RSF1: variants seen among roughly 807,000 people sequenced by gnomAD.
RSF1 encodes HBV pX-associated protein 8.
In RSF1, 13 loss-of-function variants were observed where a neutral mutation model predicts 145.2. The observed-to-expected ratio is 0.09, with a 90% CI of 0.06 to 0.14. The LOEUF (loss-of-function observed/expected upper bound fraction) is 0.14. Ranked by LOEUF, RSF1 falls within the 10% of genes least tolerant of loss-of-function variation. The probability of loss-of-function intolerance (pLI) is 1.00; values close to 1 mark genes in which losing one functional copy is unlikely to be tolerated. For missense variants in RSF1, 1,517 were observed against 1,718.2 expected, an observed-to-expected ratio of 0.88 and a Z score of 2.07; for synonymous variants, 577 against 592.6, an observed-to-expected ratio of 0.97 and a Z score of 0.38.
At chr11:77,862,454 C>T in the RSF1 span, among the ~76,000 whole-genome samples, 8 of 152,120 alleles carry the variant, frequency 5.3e-5, no homozygotes, top group African/African-American at 1.4e-4. Context: ...GAAAAAGGTA[C>T]GTGTACTCTG....
chr11:77,678,341 C>T (rs981633056), intron 11 of RSF1, among the ~76,000 whole-genome samples, 188 bp from the exon 12 acceptor site: 3 of 151,990 alleles, frequency 2.0e-5, no homozygotes, highest in Admixed American at 6.6e-5. Context: ...CTCAGCCTCC[C>T]GAGTAGCTGG....
the RSF1 span, among the ~76,000 whole-genome samples, chr11:77,864,808 G>A: frequency 2.0e-5 from 3 of 151,636 alleles, no homozygotes; most frequent in East Asian, 2.0e-4. Context: ...GAGAGACCTC[G>A]TTGCTACAGA....
intron 5 of RSF1, among the ~76,000 whole-genome samples, chr11:77,710,856 A>C (rs1960661315): frequency 6.6e-6 from 1 of 152,280 alleles, no homozygotes; most frequent in African/African-American, 2.4e-5. Context: ...AAAAGGAAGG[A>C]TACGTATTTG....
At chr11:77,750,350 T>C (rs534154166) in intron 2 of RSF1, among the ~76,000 whole-genome samples, 2 of 152,214 alleles carry the variant, frequency 1.3e-5, no homozygotes, top group African/African-American at 2.4e-5. Flanking sequence ...ACTATCATGG[T>C]GCAAAATCAG....
In RSF1 at chr11:77,740,733, G is replaced by C; in HGVS notation, c.576C>G (p.Val192=). 6.2e-7 allele frequency: 1 copy of C among 1,612,150 alleles called. No individual in the cohort carries two copies. The highest frequency in any genetic ancestry group is 8.5e-7 in the Non-Finnish European group (1 of 1,178,266). Residue 192 remains valine, a splice_region_variant and synonymous_variant, in exon 4 of 16, where the codon GTC becomes GTG. Coordinates refer to ENST00000308488, the MANE Select transcript of RSF1 (RefSeq NM_016578.4). ...DQDGSSWKCI[V]RNRNELAETL... ...AAAAAGGTTCCAATAAAAGATACCTGACAATGCATTTCCATGAAGAGCCAT... is the reference window on the plus strand; with the variant it reads ...AAAAAGGTTCCAATAAAAGATACCTCACAATGCATTTCCATGAAGAGCCAT...
At chr11:77,762,753 T>C (rs2135936611) in intron 2 of RSF1, 1 of 152,344 alleles carries the variant, frequency 6.6e-6, no homozygotes, top group African/African-American at 2.4e-5. Context: ...GCCTAGCAGA[T>C]GCCAGATACT....
intron 8 of RSF1, chr11:77,691,671 A>G (rs148263523): frequency 1.3e-5 from 2 of 153,788 alleles, no homozygotes; most frequent in African/African-American, 4.8e-5. Flanking sequence ...GTGCTGTGGT[A>G]TTTACAACTA....
intron 15 of RSF1, among the ~76,000 whole-genome samples, chr11:77,670,748 T>A (rs1175531540): frequency 6.6e-6 from 1 of 152,094 alleles, no homozygotes; most frequent in Admixed American, 6.6e-5. Context: ...TTTTTTCCCT[T>A]TCTCTTTTGT....
At chr11:77,800,330 A>C (rs1948614501) in intron 1 of RSF1, among the ~76,000 whole-genome samples, 1 of 151,864 alleles carries the variant, frequency 6.6e-6, no homozygotes. Flanking sequence ...CGCCTCTACT[A>C]AAAATACAAA....
chr11:77,752,779 C>T (rs1391053997), intron 2 of RSF1, among the ~76,000 whole-genome samples: 1 of 152,114 alleles, frequency 6.6e-6, no homozygotes, highest in East Asian at 1.9e-4. Context: ...GGGCTGCATT[C>T]CCAGGAGGTT....
At chr11:77,822,709 T>G (rs1341870829), upstream of RSF1, among the ~76,000 whole-genome samples, 1 of 152,200 alleles carries the variant, frequency 6.6e-6, no homozygotes, top group Non-Finnish European at 1.5e-5. Flanking sequence ...ATTCATAGTC[T>G]TGAGTGGTAT....
intron 1 of RSF1, among the ~76,000 whole-genome samples, chr11:77,814,652 G>T (rs1300527318): frequency 6.6e-6 from 1 of 152,016 alleles, no homozygotes; most frequent in African/African-American, 2.4e-5. Context: ...CACCATGTTC[G>T]CCAGGCTGGT....
intron 1 of RSF1, among the ~76,000 whole-genome samples, chr11:77,794,717 T>C (rs1040899801): frequency 2.0e-5 from 3 of 152,014 alleles, no homozygotes; most frequent in Admixed American, 6.6e-5. Flanking sequence ...ACAAAGCCCA[T>C]AGATAACAAA....
chr11:77,798,581 T>TAAAAAAAAAAAAAAAAAAAAAA (rs543236647), intron 1 of RSF1, among the ~76,000 whole-genome samples: 1 of 24,462 alleles, frequency 4.1e-5, no homozygotes, highest in African/African-American at 1.3e-4. Context: ...GACTCCATCT[T>TAAAAAAAAAAAAAAAAAAAAAA]AAAAAAAAAA....
chr11:77,700,159 T>C (rs1960380136), intron 6 of RSF1, among the ~76,000 whole-genome samples: 1 of 152,078 alleles, frequency 6.6e-6, no homozygotes, highest in Non-Finnish European at 1.5e-5. Context: ...GAGATCATCC[T>C]GGCCAACATG....
chr11:77,850,574 AAAACC>A, the RSF1 span: 1 of 152,192 alleles, frequency 6.6e-6, no homozygotes, highest in East Asian at 1.9e-4. Context: ...AAATTAAAGA[AAAACC>A]AATTAGCAGC....
the RSF1 span, among the ~76,000 whole-genome samples, chr11:77,863,644 C>T: frequency 6.6e-6 from 1 of 152,188 alleles, no homozygotes; most frequent in Admixed American, 6.5e-5. Flanking sequence ...CCACCTTGGC[C>T]TCCCAATGTG....
chr11:77,779,347 A>T (rs1423291759), intron 1 of RSF1, among the ~76,000 whole-genome samples: 1 of 151,858 alleles, frequency 6.6e-6, no homozygotes, highest in Non-Finnish European at 1.5e-5. Context: ...AGCTAGGACT[A>T]TAGGCACACC....
chr11:77,667,292 A>G lies in RSF1; in HGVS notation c.3951T>C (p.Asp1317=), dbSNP rs769172771. The G allele has an allele frequency of 6.2e-7, 1 of 1,614,116 alleles. No homozygotes were observed. Among genetic ancestry groups the G allele is most frequent in the Admixed American group, 1.7e-5 (1 of 60,016 alleles). ...EEESCDNAHG[D]ANQPARDSQP... ...GGCTGTCACGGGCAGGCTGATTTGC[A>G]TCTCCATGAGCATTGTCACAACTCT... The change falls in exon 16 of 16, where the codon GAT becomes GAC. Residue 1317 remains aspartate (D), a synonymous_variant. Transcript: ENST00000308488.
Sources: allele counts gnomAD v4.1 joint callset (sites outside exome capture counted in the v4.1 genomes callset), GRCh38; gene constraint gnomAD v4.1.1; transcripts MANE v1.5; gene names NCBI Gene and HGNC (gene_info 2026-07-23, HGNC 2026-07-21).